Variants in PANX2 observed in about 807,000 individuals in gnomAD.
PANX2 encodes pannexin-2.
Under a neutral mutation model 38.7 loss-of-function variants are expected in PANX2, and 30 were observed. The observed-to-expected ratio is 0.78, with a 90% CI of 0.58 to 1.05. The LOEUF (loss-of-function observed/expected upper bound fraction) is 1.05, where lower values mean the gene tolerates loss of function less well. Among genes scored for constraint, PANX2 ranks in the 50% least tolerant of loss-of-function variants. The pLI is 0.00. For missense variants in PANX2, 880 were observed against 979.3 expected (o/e 0.90, Z 1.35); for synonymous variants, 539 against 472.1 (o/e 1.14, Z -1.84).
intron 1 of PANX2, among the ~76,000 whole-genome samples, chr22:50,173,089 G>T (rs867994396): frequency 6.6e-6 from 1 of 152,150 alleles, no homozygotes; most frequent in South Asian, 2.1e-4. Flanking sequence ...GTAGAGACGG[G>T]GTTTTGCCAT....
intron 1 of PANX2, among the ~76,000 whole-genome samples, chr22:50,174,316 G>C (rs2063650813): frequency 6.8e-6 from 1 of 146,536 alleles, no homozygotes; most frequent in East Asian, 2.2e-4. Context: ...TGAGCTTGGG[G>C]ATGGCAGAAC....
rs1602404140 is a variant in PANX2 at position 50,179,356 on chromosome 22, C to T, written c.*79C>T. ...GGCCAGCCTCCCGGTGGACACCAGC[C>T]CTGCGTGGACGTGGCCTGTGCTTCG... is the stretch of plus-strand genomic sequence containing the variant. On this transcript the variant is annotated 3_prime_UTR_variant, in exon 3 of 3. Coordinates refer to ENST00000395842, the MANE Select transcript of PANX2 (RefSeq NM_052839.4). 3.1e-6 allele frequency: 4 copies of T among 1,294,950 alleles called. No individual in the cohort carries two copies. Among genetic ancestry groups the T allele is most frequent in the East Asian group, 2.4e-5 (1 of 40,928 alleles). 80.2% of individuals were successfully genotyped at this position (1,294,950 alleles called of 1,614,324 possible).
intron 1 of PANX2, among the ~76,000 whole-genome samples, chr22:50,171,738 G>A (rs775870150): frequency 5.9e-5 from 9 of 152,214 alleles, no homozygotes; most frequent in African/African-American, 9.7e-5. Flanking sequence ...GGCGAGACAG[G>A]TGGAGCCGAG....
chr22:50,172,358 C>T (rs1254577119), intron 1 of PANX2, among the ~76,000 whole-genome samples: 3 of 152,228 alleles, frequency 2.0e-5, no homozygotes, highest in Admixed American at 1.3e-4. Context: ...AATCCTTGGG[C>T]GCCTTGGCTC....
rs1169839159 is a variant in PANX2 at position 50,179,415 on chromosome 22, A to C, written c.*138A>C. On this transcript the variant is annotated 3_prime_UTR_variant, in exon 3 of 3. Transcript: ENST00000395842. Reference sequence around the variant, plus strand: ...GCGCGCATCCCCAACCTCTGTCCGCATGCCTGGGGCCTTCGCCCCCACGTG... The same window carrying C: ...GCGCGCATCCCCAACCTCTGTCCGCCTGCCTGGGGCCTTCGCCCCCACGTG... The C allele has an allele frequency of 5.2e-6, 4 of 768,786 alleles. No individual in the cohort carries two copies. The African/African-American group carries it at 7.1e-5, about 14-fold the overall frequency. The allele number at this position is 768,786 out of a possible 1,614,324, so 47.6% of individuals were successfully genotyped here.
At chr22:50,178,483 G>C (rs1021054020) in intron 2 of PANX2, 81 bp downstream of exon 2, 1 of 996,050 alleles carries the variant, frequency 1.0e-6, no homozygotes, top group Admixed American at 3.7e-5. Context: ...ACGGGAGCCT[G>C]GCCAGGGCGC....
At chr22:50,175,127 G>T (rs2063655078) in intron 1 of PANX2, among the ~76,000 whole-genome samples, 1 of 152,226 alleles carries the variant, frequency 6.6e-6, no homozygotes, top group Non-Finnish European at 1.5e-5. Flanking sequence ...CATCCGGCAG[G>T]GAGACAGTGA....
At position 50,178,017 on chromosome 22, in the gene PANX2, C is replaced by T; in HGVS notation, c.1305C>T (p.Thr435=). The T allele has an allele frequency of 6.5e-7, 1 of 1,546,516 alleles. No homozygotes were observed. Among genetic ancestry groups the T allele is most frequent in the Non-Finnish European group, 8.7e-7 (1 of 1,151,722 alleles). The stretch of plus-strand genomic sequence containing the variant: ...GCAAGAAGATGAAGTGGATCCCCAC[C>T]AGCAACCCGCTTCCGCAGCCCTTCA... ...RPRKKMKWIP[T]SNPLPQPFKE... Residue 435 remains threonine (T), a synonymous_variant, in exon 2 of 3, where the codon ACC becomes ACT. Transcript: ENST00000395842.
At position 50,178,215 on chromosome 22, in the gene PANX2, G is replaced by A. The variant is rs1407950563; in HGVS notation, c.1503G>A (p.Pro501=). 2.3e-6 allele frequency: 2 copies of A among 861,184 alleles called. No homozygotes were observed. Among genetic ancestry groups the A allele is most frequent in the African/African-American group, 2.2e-5 (1 of 44,608 alleles). The allele number at this position is 861,184 out of a possible 1,614,324, so 53.3% of individuals were successfully genotyped here. ...CCGGCCCCGCCCCTGCCCCCGCCCCGCCGCCCGCCCCTGACAAGAAGCACG... is the reference window on the plus strand; with the variant it reads ...CCGGCCCCGCCCCTGCCCCCGCCCCACCGCCCGCCCCTGACAAGAAGCACG... The part of the protein sequence containing the change: ...PGPGPAPAPA[P]PPAPDKKHAR... Residue 501 remains proline, a synonymous_variant, in exon 2 of 3, where the codon CCG becomes CCA. Transcript: ENST00000395842.
Position 50,180,268 on chromosome 22 carries a change from A to G in PANX2, c.*991A>G, listed in dbSNP as rs1443240853. The G allele has an allele frequency of 2.0e-5, 3 of 152,292 alleles. No individual in the cohort carries two copies. The highest frequency in any genetic ancestry group is 4.8e-5 in the African/African-American group (2 of 41,480). The allele number at this position is 152,292 out of a possible 1,614,324, so 9.4% of individuals were successfully genotyped here. On this transcript the variant is annotated 3_prime_UTR_variant, in exon 3 of 3. Coordinates refer to ENST00000395842, the MANE Select transcript of PANX2 (RefSeq NM_052839.4). ...CAGAATTAACAAGGTAGCACCGAGC[A>G]TATCAATAAATATTATTCTGATAAT...
rs777148281 is a variant in PANX2, at chr22:50,177,840, C to A, written c.1128C>A (p.Asp376Glu). 1 of 1,594,086 alleles carries A rather than the reference C, an allele frequency of 6.3e-7. No homozygotes were observed. Among genetic ancestry groups the A allele is most frequent in the South Asian group, 1.1e-5 (1 of 90,572 alleles). ...FITNESDLMY[D>E]NVVRQLLAAL... ...CCAACGAGAGCGACCTCATGTACGA[C>A]AACGTGGTCCGGCAGCTGCTGGCGG... The change falls in exon 2 of 3, where the codon GAC becomes GAA. Residue 376 changes from aspartate to glutamate, a missense_variant. Asp to Glu is a conservative substitution (Grantham distance 45, BLOSUM62 2). Coordinates refer to ENST00000395842, the MANE Select transcript of PANX2 (RefSeq NM_052839.4).
chr22:50,170,885 G>T lies in PANX2; in HGVS notation c.155G>T (p.Arg52Leu). Residue 52 changes from arginine (R) to leucine (L), a missense_variant, in exon 1 of 3, where the codon CGG becomes CTG. Arg to Leu is a moderately radical substitution (Grantham distance 102). Around this residue, in one of 4 missense-constraint regions of PANX2, gnomAD observed 243 missense variants for 333.1 expected, o/e 0.73. Transcript: ENST00000395842. ...CTGAAGCTGGAGCTGCCGTTCGACC[G>T]GGTGGTCACCATCGGCACCGTGCTG... The part of the protein sequence containing the change: ...LQLKLELPFD[R>L]VVTIGTVLVP... The T allele has an allele frequency of 6.6e-7, 1 of 1,518,208 alleles. No homozygotes were observed. Among genetic ancestry groups the T allele is most frequent in the African/African-American group, 1.4e-5 (1 of 69,900 alleles). The allele number at this position is 1,518,208 out of a possible 1,614,324, so 94.0% of individuals were successfully genotyped here. A position where few individuals can be genotyped will look rare whatever the true frequency, so the allele number is the denominator to read the frequency against.
intron 1 of PANX2, chr22:50,175,504 C>T: frequency 8.0e-7 from 1 of 1,249,262 alleles, no homozygotes; most frequent in Non-Finnish European, 1.1e-6. Flanking sequence ...ATGCCATTTT[C>T]TCAACCAAGA....
chr22:50,175,399 G>C, intron 1 of PANX2: 1 of 1,242,092 alleles, frequency 8.1e-7, no homozygotes, highest in Non-Finnish European at 1.1e-6. Context: ...AGCTCAGGAC[G>C]GGACACAAAC....
intron 1 of PANX2, among the ~76,000 whole-genome samples, chr22:50,175,888 C>T (rs983091640): frequency 2.0e-5 from 3 of 152,262 alleles, no homozygotes; most frequent in East Asian, 3.8e-4. Flanking sequence ...TAATCCGCCT[C>T]GCTTTCCGTC....
Position 50,178,278 on chromosome 22 carries a change from C to A in PANX2, c.1566C>A (p.Leu522=). The A allele has an allele frequency of 6.5e-7, 1 of 1,533,116 alleles. No individual in the cohort carries two copies. The allele number at this position is 1,533,116 out of a possible 1,614,324, so 95.0% of individuals were successfully genotyped here. ...CCCTGGACGTGCACCCCTACATCCT[C>A]GGCACCAAGAAGGCCAAGGCCGAGG... ...HFSLDVHPYI[L]GTKKAKAEAV... is the part of the protein sequence containing the mutation. Residue 522 remains leucine (L), a synonymous_variant, in exon 2 of 3, where the codon CTC becomes CTA. Coordinates refer to ENST00000395842, the MANE Select transcript of PANX2 (RefSeq NM_052839.4).
intron 1 of PANX2, among the ~76,000 whole-genome samples, chr22:50,172,274 C>T (rs538375758): frequency 6.6e-6 from 1 of 152,332 alleles, no homozygotes; most frequent in East Asian, 1.9e-4. Context: ...ATCGAGGTGT[C>T]GGCAGGGCCC....
chr22:50,172,684 C>T (rs539196645), intron 1 of PANX2, among the ~76,000 whole-genome samples: 4 of 151,992 alleles, frequency 2.6e-5, no homozygotes, highest in African/African-American at 4.8e-5. Flanking sequence ...GGACTACAGG[C>T]GTGAGCCACT....
chr22:50,179,355 C>A lies in PANX2; in HGVS notation c.*78C>A. 3 of 1,309,782 alleles carry A rather than the reference C, an allele frequency of 2.3e-6. No homozygotes were observed. The highest frequency in any genetic ancestry group is 2.1e-6 in the Non-Finnish European group (2 of 930,714). The allele number at this position is 1,309,782 out of a possible 1,614,324, so 81.1% of individuals were successfully genotyped here. A position where few individuals can be genotyped will look rare whatever the true frequency, so the allele number is the denominator to read the frequency against. On this transcript the variant is annotated 3_prime_UTR_variant, in exon 3 of 3. Transcript: ENST00000395842. ...TGGCCAGCCTCCCGGTGGACACCAG[C>A]CCTGCGTGGACGTGGCCTGTGCTTC... is the stretch of plus-strand genomic sequence containing the variant.
Sources: allele counts gnomAD v4.1 joint callset (sites outside exome capture counted in the v4.1 genomes callset), GRCh38; gene constraint gnomAD v4.1.1; regional missense constraint gnomAD v4.1.1; transcripts MANE v1.5; gene names NCBI Gene and HGNC (gene_info 2026-07-23, HGNC 2026-07-21).